CNTNAP5: variants seen among roughly 807,000 people sequenced by gnomAD.
CNTNAP5 encodes the protein contactin-associated protein-like 5.
In CNTNAP5, 72 loss-of-function variants were observed where a neutral mutation model predicts 150.2. The observed-to-expected ratio is 0.48, with a 90% CI of 0.40 to 0.58. The LOEUF (loss-of-function observed/expected upper bound fraction) is 0.58, where lower values mean the gene tolerates loss of function less well. Among genes scored for constraint, CNTNAP5 ranks in the 20% least tolerant of loss-of-function variants. The pLI is 0.00. For missense variants in CNTNAP5, 1,636 were observed against 1,626.2 expected (o/e 1.01, Z -0.10); for synonymous variants, 672 against 619.8 (o/e 1.08, Z -1.25).
chr2:124,657,559 C>T (rs944741516), intron 13 of CNTNAP5, among the ~76,000 whole-genome samples: 10 of 152,118 alleles, frequency 6.6e-5, no homozygotes, highest in African/African-American at 1.7e-4. Context: ...TTCCCCACAG[C>T]GGATATCCCA....
At chr2:124,410,384 A>G (rs1691719051) in intron 3 of CNTNAP5, among the ~76,000 whole-genome samples, 1 of 151,846 alleles carries the variant, frequency 6.6e-6, no homozygotes, top group South Asian at 2.1e-4. Flanking sequence ...CGGACCTAAT[A>G]GACATGTACA....
intron 13 of CNTNAP5, among the ~76,000 whole-genome samples, chr2:124,685,764 G>A (rs955455745): frequency 1.0e-5 from 1 of 98,480 alleles, no homozygotes; most frequent in African/African-American, 4.2e-5. Context: ...GTGTGTGTGC[G>A]CGCGCGTGTT....
chr2:124,440,850 C>T (rs1017252313), intron 5 of CNTNAP5, among the ~76,000 whole-genome samples: 4 of 151,878 alleles, frequency 2.6e-5, no homozygotes, highest in African/African-American at 9.7e-5. Context: ...AAATTTTTAT[C>T]TTTGTCTTAC....
At chr2:124,691,210 G>T (rs1292742890) in intron 13 of CNTNAP5, among the ~76,000 whole-genome samples, 1 of 152,076 alleles carries the variant, frequency 6.6e-6, no homozygotes, top group Admixed American at 6.6e-5. Context: ...ATTTTTCTTG[G>T]CTTCTCTGCG....
chr2:124,820,540 G>GC (rs369222683), intron 19 of CNTNAP5, among the ~76,000 whole-genome samples: 2 of 137,970 alleles, frequency 1.4e-5, no homozygotes, highest in Middle Eastern at 3.5e-3. Flanking sequence ...AAGGAAAGGG[G>GC]GGGGAGAAAG....
intron 1 of CNTNAP5, among the ~76,000 whole-genome samples, chr2:124,186,150 T>A (rs1359696118): frequency 1.3e-5 from 2 of 152,160 alleles, no homozygotes; most frequent in African/African-American, 4.8e-5. Context: ...GGTCCCCAGG[T>A]GATGCTGATT....
chr2:124,092,003 A>C (rs1272268950), intron 1 of CNTNAP5, among the ~76,000 whole-genome samples: 2 of 151,846 alleles, frequency 1.3e-5, no homozygotes, highest in Non-Finnish European at 1.5e-5. Context: ...GGGCTGGTGC[A>C]CTTTTGAACT....
At chr2:124,641,541 G>C (rs1349358161) in intron 12 of CNTNAP5, among the ~76,000 whole-genome samples, 1 of 152,214 alleles carries the variant, frequency 6.6e-6, no homozygotes, top group African/African-American at 2.4e-5. Flanking sequence ...CCAATGAGTA[G>C]ATGGAAAATG....
At chr2:124,074,377 T>C (rs1682386290) in intron 1 of CNTNAP5, among the ~76,000 whole-genome samples, 1 of 152,140 alleles carries the variant, frequency 6.6e-6, no homozygotes, top group East Asian at 1.9e-4. Context: ...GAATAGATGC[T>C]TGAAGGGATG....
intron 16 of CNTNAP5, among the ~76,000 whole-genome samples, chr2:124,767,086 T>C (rs1380835590): frequency 6.6e-6 from 1 of 152,208 alleles, no homozygotes; most frequent in East Asian, 1.9e-4. Flanking sequence ...GCAGATGGAA[T>C]TTTTACCCTA....
chr2:124,686,882 TA>T (rs1679203267), intron 13 of CNTNAP5, among the ~76,000 whole-genome samples: 1 of 152,112 alleles, frequency 6.6e-6, no homozygotes, highest in African/African-American at 2.4e-5. Flanking sequence ...AATACATTTT[TA>T]AAAATCCCAA....
At chr2:124,216,863 T>C (rs1686171270) in intron 1 of CNTNAP5, among the ~76,000 whole-genome samples, 1 of 152,214 alleles carries the variant, frequency 6.6e-6, no homozygotes, top group Admixed American at 6.5e-5. Context: ...TGTGCATGTG[T>C]CTTTATAGCA....
chr2:124,888,069 T>C (rs1201943115), intron 21 of CNTNAP5, among the ~76,000 whole-genome samples: 1 of 152,160 alleles, frequency 6.6e-6, no homozygotes, highest in East Asian at 1.9e-4. Context: ...CATCACCCAG[T>C]ATTGAGTATA....
intron 3 of CNTNAP5, among the ~76,000 whole-genome samples, chr2:124,283,525 G>C (rs186560108): frequency 6.6e-6 from 1 of 152,240 alleles, no homozygotes; most frequent in African/African-American, 2.4e-5. Flanking sequence ...GTTGCAGAGA[G>C]GCTGGCTTCA....
At chr2:124,592,179 A>C (rs1204083215) in intron 11 of CNTNAP5, among the ~76,000 whole-genome samples, 2 of 152,144 alleles carry the variant, frequency 1.3e-5, no homozygotes, top group African/African-American at 4.8e-5. Flanking sequence ...GTTTTTAAAA[A>C]AATATGGAAA....
At chr2:124,721,239 G>A (rs958546305) in intron 13 of CNTNAP5, among the ~76,000 whole-genome samples, 5 of 152,120 alleles carry the variant, frequency 3.3e-5, no homozygotes, top group Non-Finnish European at 7.3e-5. Context: ...TACAGTTTGG[G>A]AGGCCGAGGC....
At position 124,841,958 on chromosome 2, in the gene CNTNAP5, T is replaced by TA. The variant is rs150279199; in HGVS notation, c.3218-23339dup. On this transcript the variant is annotated intron_variant, in intron 19 of 23. Transcript: ENST00000682447. ...GTCAGTATCTGTAGTTACCAAAACT[T>TA]AAAAAAAAACCTTCAGAAACACAGA... 5.4e-3 allele frequency among the ~76,000 whole-genome samples: 816 copies of TA among 151,336 alleles called. 9 individuals carry two copies. Among genetic ancestry groups the TA allele is most frequent in the African/African-American group, 0.018 (762 of 41,300 alleles).
At chr2:124,631,955 G>A (rs2105010193) in intron 12 of CNTNAP5, among the ~76,000 whole-genome samples, 1 of 152,178 alleles carries the variant, frequency 6.6e-6, no homozygotes, top group South Asian at 2.1e-4. Flanking sequence ...CAATAAACAT[G>A]AAAATAAAGC....
Position 124,647,906 on chromosome 2 carries a change from T to C in CNTNAP5, c.2025T>C (p.Cys675=), listed in dbSNP as rs1485378218. The C allele has an allele frequency of 3.1e-6, 5 of 1,610,372 alleles. No individual in the cohort carries two copies. The Admixed American group carries it at 5.0e-5, about 16-fold the overall frequency. The part of the protein sequence containing the change: ...LEAVIDGSEH[C]EQEVAYHCRR... ...CCGTGATCGACGGCTCTGAGCACTG[T>C]GAGCAGGAGGTGGCCTACCACTGCA... Residue 675 remains cysteine, a synonymous_variant, in exon 13 of 24, where the codon TGT becomes TGC. Transcript: ENST00000682447.
Sources: allele counts gnomAD v4.1 joint callset (sites outside exome capture counted in the v4.1 genomes callset), GRCh38; gene constraint gnomAD v4.1.1; transcripts MANE v1.5; gene names NCBI Gene and HGNC (gene_info 2026-07-23, HGNC 2026-07-21).